The following BCAS3 variants were observed in gnomAD, a reference collection of about 807,000 sequenced individuals.
BCAS3 encodes the protein BCAS3 microtubule associated cell migration factor.
BCAS3 carries 53 observed loss-of-function variants against 116.1 expected under a neutral mutation model. The ratio of observed to expected loss-of-function variants is 0.46; its 90% CI spans 0.37 to 0.57. The LOEUF (loss-of-function observed/expected upper bound fraction) is 0.57. BCAS3 is among the 20% of genes least tolerant of loss of function. BCAS3 has a pLI of 0.00. For missense variants in BCAS3, 917 were observed against 1,165.4 expected (o/e 0.79, Z 3.10); for synonymous variants, 391 against 408.2 (o/e 0.96, Z 0.51).
chr17:60,765,898 C>A (rs1330494033), intron 6 of BCAS3, among the ~76,000 whole-genome samples: 1 of 152,134 alleles, frequency 6.6e-6, no homozygotes, highest in Non-Finnish European at 1.5e-5. Context: ...TCATTTTACT[C>A]TTTTTTCTCT....
chr17:60,695,531 ATTG>A (rs1245764044), intron 4 of BCAS3, among the ~76,000 whole-genome samples: 1 of 152,150 alleles, frequency 6.6e-6, no homozygotes, highest in Non-Finnish European at 1.5e-5. Context: ...TTCTAGTGGA[ATTG>A]TTGTATCATA....
chr17:61,368,511 A>T lies in BCAS3; in HGVS notation c.2593+17A>T. ...CCGGAACAGGTAAAGGTGTCATCAGACTTCTAGCCTGATTTGGTCAGGACC... is the reference window on the plus strand; with the variant it reads ...CCGGAACAGGTAAAGGTGTCATCAGTCTTCTAGCCTGATTTGGTCAGGACC... On this transcript the variant is annotated intron_variant, in intron 23 of 23. Transcript: ENST00000407086. This position sits in a 1 kb window ranked among gnomAD's most constrained non-coding sequence, Gnocchi z 6.0. 3.2e-6 allele frequency: 5 copies of T among 1,582,028 alleles called. No homozygotes were observed. Among genetic ancestry groups the T allele is most frequent in the Non-Finnish European group, 4.3e-6 (5 of 1,155,366 alleles).
At position 61,327,471 on chromosome 17, in the gene BCAS3, G is replaced by A. The variant is rs1243839498; in HGVS notation, c.2426-40856G>A. Among the ~76,000 whole-genome samples, 1 of 152,012 alleles carries A rather than the reference G, an allele frequency of 6.6e-6. No individual in the cohort carries two copies. The highest frequency in any genetic ancestry group is 2.4e-5 in the African/African-American group (1 of 41,392). On this transcript the variant is annotated intron_variant, in intron 22 of 23. Coordinates refer to ENST00000407086, the MANE Select transcript of BCAS3 (RefSeq NM_017679.5). This position sits in a 1 kb window ranked among gnomAD's most constrained non-coding sequence, Gnocchi z 5.9. ...ATATTGAGGGTTAGATAACAGGCAA[G>A]TATGTGGAGATGAGGGAGCAAATAG... is the stretch of plus-strand genomic sequence containing the variant.
chr17:60,965,252 G>A (rs1310664129), intron 14 of BCAS3, among the ~76,000 whole-genome samples: 2 of 131,426 alleles, frequency 1.5e-5, no homozygotes, highest in Non-Finnish European at 3.2e-5. Context: ...TTTTTGAGAT[G>A]GAGTCTCACT....
chr17:61,116,847 A>G (rs898151746), intron 22 of BCAS3, among the ~76,000 whole-genome samples: 5 of 152,230 alleles, frequency 3.3e-5, no homozygotes, highest in Admixed American at 2.6e-4. Context: ...CTGATGACAA[A>G]TGTGATGTTA....
In BCAS3 at chr17:60,964,125, A is replaced by G. The variant is rs1207685154; in HGVS notation, c.1221+16773A>G. On this transcript the variant is annotated intron_variant, in intron 14 of 23. Transcript: ENST00000407086. The surrounding 1 kb of genome is among the most constrained non-coding windows in gnomAD (Gnocchi z 4.6). ...CTCGTCTTGTTCCAGTCTTTAGAGG[A>G]AAGGCCTTCATTTTTTCCCTGTTCC... Among the ~76,000 whole-genome samples, 1 of 152,178 alleles carries G rather than the reference A, an allele frequency of 6.6e-6. No individual in the cohort carries two copies. The highest frequency in any genetic ancestry group is 6.5e-5 in the Admixed American group (1 of 15,282).
rs2074629075 is a variant in BCAS3, at chr17:61,106,076, C to A, written c.2425+21512C>A. ...TATTACAGTGCTTGTATTCAGGTAA[C>A]CTTTATTTTACTTAATGGCCCCAAA... On this transcript the variant is annotated intron_variant, in intron 22 of 23. Coordinates refer to ENST00000407086, the MANE Select transcript of BCAS3 (RefSeq NM_017679.5). The surrounding 1 kb of genome is among the most constrained non-coding windows in gnomAD (Gnocchi z 4.2). Among the ~76,000 whole-genome samples the A allele has an allele frequency of 6.6e-6, 1 of 152,102 alleles. No homozygotes were observed. Among genetic ancestry groups the A allele is most frequent in the Non-Finnish European group, 1.5e-5 (1 of 68,022 alleles).
In BCAS3 at chr17:61,332,239, G is replaced by A. The variant is rs2056353242; in HGVS notation, c.2426-36088G>A. 6.6e-6 allele frequency among the ~76,000 whole-genome samples: 1 copy of A among 152,188 alleles called. No homozygotes were observed. Among genetic ancestry groups the A allele is most frequent in the African/African-American group, 2.4e-5 (1 of 41,436 alleles). On this transcript the variant is annotated intron_variant, in intron 22 of 23. Transcript: ENST00000407086. This position sits in a 1 kb window ranked among gnomAD's most constrained non-coding sequence, Gnocchi z 5.4. ...ATGAGAAGAAGGCATTCTTAGAACA[G>A]ATACTGCCTGGTGACCCACCTAAAA...
intron 15 of BCAS3, among the ~76,000 whole-genome samples, chr17:61,001,495 A>G (rs1014711549): frequency 4.6e-5 from 7 of 152,148 alleles, no homozygotes; most frequent in African/African-American, 1.7e-4. Flanking sequence ...ATGTTTCTTG[A>G]CTTTTCTTTC....
chr17:60,825,222 C>G (rs553176428), intron 7 of BCAS3, among the ~76,000 whole-genome samples: 5 of 150,720 alleles, frequency 3.3e-5, no homozygotes, highest in Non-Finnish European at 7.4e-5. Flanking sequence ...GCTTGCTTTT[C>G]TCTTTTAATG....
At position 61,095,077 on chromosome 17, in the gene BCAS3, T is replaced by C. The variant is rs1282758854; in HGVS notation, c.2425+10513T>C. Among the ~76,000 whole-genome samples the C allele has an allele frequency of 1.3e-5, 2 of 152,194 alleles. No homozygotes were observed. Among genetic ancestry groups the C allele is most frequent in the African/African-American group, 2.4e-5 (1 of 41,442 alleles). ...AATTGATATAGTTTCAGATTCCACA[T>C]TGCAACTAATTTGTTAAGGATCATA... On this transcript the variant is annotated intron_variant, in intron 22 of 23. Coordinates refer to ENST00000407086, the MANE Select transcript of BCAS3 (RefSeq NM_017679.5). This position sits in a 1 kb window ranked among gnomAD's most constrained non-coding sequence, Gnocchi z 4.7.
In BCAS3 at chr17:61,020,246, T is replaced by TA. The variant is rs1195683837; in HGVS notation, c.1637+4346dup. On this transcript the variant is annotated intron_variant, in intron 16 of 23. Coordinates refer to ENST00000407086, the MANE Select transcript of BCAS3 (RefSeq NM_017679.5). The surrounding 1 kb of genome is among the most constrained non-coding windows in gnomAD (Gnocchi z 4.5). Reference sequence around the variant, plus strand: ...TTACCATATTCAACATCTGCCTTCTTATGTTTGCAAATACATATGCCTGAA... The same window carrying TA: ...TTACCATATTCAACATCTGCCTTCTTAATGTTTGCAAATACATATGCCTGAA... Among the ~76,000 whole-genome samples the TA allele has an allele frequency of 1.3e-5, 2 of 152,216 alleles. No individual in the cohort carries two copies. Among genetic ancestry groups the TA allele is most frequent in the Non-Finnish European group, 2.9e-5 (2 of 68,032 alleles).
At chr17:61,081,430 G>T (rs1283935336) in intron 21 of BCAS3, among the ~76,000 whole-genome samples, 1 of 151,900 alleles carries the variant, frequency 6.6e-6, no homozygotes, top group African/African-American at 2.4e-5. Context: ...AATTTTCCTC[G>T]CAGACTTTCC....
chr17:60,748,894 A>G (rs778350430), intron 6 of BCAS3: 5 of 152,196 alleles, frequency 3.3e-5, no homozygotes, highest in Non-Finnish European at 5.9e-5. Flanking sequence ...TGAACAAATT[A>G]CTTGTGTAGC....
chr17:60,792,403 G>A (rs1015355281), intron 6 of BCAS3, among the ~76,000 whole-genome samples: 3 of 152,198 alleles, frequency 2.0e-5, no homozygotes, highest in African/African-American at 7.2e-5. Flanking sequence ...GCTTACACAT[G>A]CCTCACCACT....
Position 60,961,248 on chromosome 17 carries a change from C to T in BCAS3, c.1221+13896C>T, listed in dbSNP as rs1204565980. 6.6e-6 allele frequency among the ~76,000 whole-genome samples: 1 copy of T among 152,112 alleles called. No individual in the cohort carries two copies. Among genetic ancestry groups the T allele is most frequent in the Non-Finnish European group, 1.5e-5 (1 of 68,022 alleles). On this transcript the variant is annotated intron_variant, in intron 14 of 23. Coordinates refer to ENST00000407086, the MANE Select transcript of BCAS3 (RefSeq NM_017679.5). This position sits in a 1 kb window ranked among gnomAD's most constrained non-coding sequence, Gnocchi z 4.8. ...TTTAGCTATGATGGAATGATAGGAACTGGATTAAACCTCTGTATCCGTTAA... is the reference window on the plus strand; with the variant it reads ...TTTAGCTATGATGGAATGATAGGAATTGGATTAAACCTCTGTATCCGTTAA...
At chr17:60,775,517 T>G (rs1011226243) in intron 6 of BCAS3, among the ~76,000 whole-genome samples, 1 of 147,036 alleles carries the variant, frequency 6.8e-6, no homozygotes, top group South Asian at 2.1e-4. Flanking sequence ...TTTCTCTTGT[T>G]GTTGTTACTG....
chr17:61,138,652 TG>T (rs1488387228), intron 22 of BCAS3, among the ~76,000 whole-genome samples: 1 of 152,244 alleles, frequency 6.6e-6, no homozygotes, highest in African/African-American at 2.4e-5. Context: ...GTGGTATATT[TG>T]ATTGTTTTCA....
rs151335431 is a variant in BCAS3, at chr17:60,970,766, A to T, written c.1222-19205A>T. ...TTTAAAATACATTAAATAAAATCAG[A>T]ATTAATAGGATGAATAATTCTACAA... On this transcript the variant is annotated intron_variant, in intron 14 of 23. Coordinates refer to ENST00000407086, the MANE Select transcript of BCAS3 (RefSeq NM_017679.5). 2.0e-3 allele frequency among the ~76,000 whole-genome samples: 307 copies of T among 152,306 alleles called. 1 individual carries two copies. The highest frequency in any genetic ancestry group is 7.1e-3 in the African/African-American group (296 of 41,568).
Sources: allele counts gnomAD v4.1 joint callset (sites outside exome capture counted in the v4.1 genomes callset), GRCh38; gene constraint gnomAD v4.1.1; non-coding constraint Gnocchi (gnomAD v3.1); transcripts MANE v1.5; gene names NCBI Gene and HGNC (gene_info 2026-07-23, HGNC 2026-07-21).